SSPN: variants seen among roughly 807,000 people sequenced by gnomAD.
SSPN encodes the protein K-ras oncogene-associated protein.
SSPN carries 15 observed loss-of-function variants against 19.1 expected under a neutral mutation model. The observed-to-expected ratio is 0.78, with a 90% CI of 0.52 to 1.21. SSPN has a LOEUF of 1.21. Among genes scored for constraint, SSPN ranks in the 50% most tolerant of loss-of-function variants. SSPN has a pLI of 0.00. For synonymous variants in SSPN, 147 were observed against 140.3 expected, an observed-to-expected ratio of 1.05 and a Z score of -0.34; for missense variants, 291 against 314.0, an observed-to-expected ratio of 0.93 and a Z score of 0.55.
intron 1 of SSPN, chr12:26,126,311 A>C (rs1164115865): frequency 6.6e-6 from 1 of 152,264 alleles, no homozygotes; most frequent in African/African-American, 2.4e-5. Context: ...CAGGGGTGGG[A>C]TGGAGGCTAT....
At chr12:26,141,540 C>A (rs1463980313) in intron 1 of SSPN, among the ~76,000 whole-genome samples, 1 of 152,192 alleles carries the variant, frequency 6.6e-6, no homozygotes, top group Non-Finnish European at 1.5e-5. Context: ...CTACAACTTT[C>A]TCCTCTAGAT....
At chr12:26,137,544 G>T (rs1333023952) in intron 1 of SSPN, among the ~76,000 whole-genome samples, 1 of 147,132 alleles carries the variant, frequency 6.8e-6, no homozygotes, top group Non-Finnish European at 1.5e-5. Context: ...GAGGTGACTA[G>T]TATTTCTGAC....
upstream of SSPN, among the ~76,000 whole-genome samples, chr12:26,193,505 C>A (rs1346935179): frequency 6.6e-6 from 1 of 152,178 alleles, no homozygotes; most frequent in Non-Finnish European, 1.5e-5. Flanking sequence ...ACAATACATA[C>A]TTGATTCCAG....
At chr12:26,123,854 G>A (rs2137388738) in intron 1 of SSPN, 1 of 824,268 alleles carries the variant, frequency 1.2e-6, no homozygotes. Flanking sequence ...AAGAAGTACT[G>A]TTCTTTTACT....
At chr12:26,228,419 A>C (rs566692226) in intron 2 of SSPN, among the ~76,000 whole-genome samples, 21 of 151,936 alleles carry the variant, frequency 1.4e-4, no homozygotes, top group African/African-American at 4.8e-4. Context: ...TATGTATGTT[A>C]GAGGTAGGAA....
chr12:26,228,395 G>T (rs1305835301), intron 2 of SSPN, among the ~76,000 whole-genome samples: 1 of 150,728 alleles, frequency 6.6e-6, no homozygotes, highest in African/African-American at 2.4e-5. Context: ...AAAAGAAATT[G>T]CTATTTAAGG....
chr12:26,185,637 C>T (rs937058938), intron 1 of SSPN, among the ~76,000 whole-genome samples: 1 of 152,162 alleles, frequency 6.6e-6, no homozygotes, highest in Admixed American at 6.5e-5. Context: ...AGATAATGAC[C>T]TGACCGAACC....
chr12:26,169,591 A>AT (rs1479374129), intron 1 of SSPN, among the ~76,000 whole-genome samples: 2 of 126,576 alleles, frequency 1.6e-5, no homozygotes, highest in African/African-American at 8.0e-5. Flanking sequence ...ATATATATAT[A>AT]TATTTTTTTT....
chr12:26,232,959 A>G lies in SSPN; in HGVS notation c.*1883A>G, dbSNP rs1376258660. The G allele has an allele frequency of 1.5e-5, 2 of 134,918 alleles. No individual in the cohort carries two copies. The highest frequency in any genetic ancestry group is 5.4e-5 in the African/African-American group (2 of 37,260). 8.4% of individuals were successfully genotyped at this position (134,918 alleles called of 1,614,324 possible). ...TAAAAAAAAAAAAAAAAAAAAAGCC[A>G]GTAACTGAATCCATTTTGATTTTTG... On this transcript the variant is annotated 3_prime_UTR_variant, in exon 3 of 3. Coordinates refer to ENST00000242729, the MANE Select transcript of SSPN (RefSeq NM_005086.5).
intron 1 of SSPN, among the ~76,000 whole-genome samples, chr12:26,174,651 GCTAGGA>G (rs1354992758): frequency 6.6e-6 from 1 of 152,060 alleles, no homozygotes; most frequent in Non-Finnish European, 1.5e-5. Context: ...CTCCCAAGTA[GCTAGGA>G]CTACAGGTGC....
At position 26,195,641 on chromosome 12, in the gene SSPN, G is replaced by GCTGGCCCCCC; in HGVS notation, c.-31_-30insTGGCCCCCCC. ...CTCCAGGGCCCAGGGCGCCGCACAC[G>GCTGGCCCCCC]CACCCACCCACCCACCCAGCCTCGC... On this transcript the variant is annotated 5_prime_UTR_variant, in exon 1 of 3. Transcript: ENST00000242729. 1.8e-6 allele frequency: 2 copies of GCTGGCCCCCC among 1,105,400 alleles called. No individual in the cohort carries two copies. The highest frequency in any genetic ancestry group is 2.3e-6 in the Non-Finnish European group (2 of 878,118). The allele number at this position is 1,105,400 out of a possible 1,614,324, so 68.5% of individuals were successfully genotyped here.
chr12:26,172,245 T>C (rs1944657654), intron 1 of SSPN, among the ~76,000 whole-genome samples: 1 of 152,230 alleles, frequency 6.6e-6, no homozygotes, highest in Non-Finnish European at 1.5e-5. Flanking sequence ...TTAGAATTTT[T>C]TAAATGTGTA....
chr12:26,132,442 G>T (rs1474101830), intron 1 of SSPN, among the ~76,000 whole-genome samples: 12 of 152,180 alleles, frequency 7.9e-5, no homozygotes, highest in Admixed American at 7.9e-4. Context: ...AAAAAAGCCT[G>T]CTTTTTGGTA....
chr12:26,177,535 C>T (rs543569340), intron 1 of SSPN, among the ~76,000 whole-genome samples: 2 of 152,312 alleles, frequency 1.3e-5, no homozygotes, highest in African/African-American at 4.8e-5. Flanking sequence ...TCTGCCCCAC[C>T]CGTAGCTTCC....
rs140024152 is a variant in SSPN at position 26,162,601 on chromosome 12, C to G, written c.-31+40449C>G. ...TGAAACCGCTCCAATATCATTTTCA[C>G]CAGGGGACATACTTTTTATTTTGAA... On this transcript the variant is annotated intron_variant, in intron 1 of 2. Coordinates refer to the SSPN transcript ENST00000538142. Among the ~76,000 whole-genome samples the G allele has an allele frequency of 5.3e-5, 8 of 152,320 alleles. No homozygotes were observed. In the East Asian group the frequency reaches 7.7e-4, roughly 15 times the overall value.
intron 1 of SSPN, among the ~76,000 whole-genome samples, chr12:26,174,401 GT>G (rs932057017): frequency 6.6e-6 from 1 of 151,884 alleles, no homozygotes; most frequent in Non-Finnish European, 1.5e-5. Flanking sequence ...AGTTTGGTAA[GT>G]TTTCCCATCA....
intron 1 of SSPN, among the ~76,000 whole-genome samples, chr12:26,154,823 G>A (rs1253480677): frequency 1.3e-5 from 2 of 152,050 alleles, no homozygotes; most frequent in Admixed American, 6.6e-5. Flanking sequence ...AGTAGAATTG[G>A]GCCCAGTAAC....
At chr12:26,178,868 T>C (rs900420876) in intron 1 of SSPN, among the ~76,000 whole-genome samples, 8 of 152,208 alleles carry the variant, frequency 5.3e-5, no homozygotes, top group African/African-American at 1.9e-4. Flanking sequence ...ACTGTAGATA[T>C]CTAGACTAGA....
At chr12:26,193,956 G>A (rs1944804548), upstream of SSPN, among the ~76,000 whole-genome samples, 1 of 152,176 alleles carries the variant, frequency 6.6e-6, no homozygotes, top group South Asian at 2.1e-4. Context: ...TACAAAAAGA[G>A]CTGATGATGA....
Sources: gnomAD v4.1 joint callset for allele counts (sites outside exome capture counted in the v4.1 genomes callset) on GRCh38, gnomAD v4.1.1 for gene constraint, MANE v1.5 for transcripts, NCBI Gene and HGNC (gene_info 2026-07-23, HGNC 2026-07-21) for gene names.